ZDHHC13: variants seen among roughly 807,000 people sequenced by gnomAD.
ZDHHC13 encodes the protein zDHHC palmitoyltransferase 13, also known as palmitoyltransferase ZDHHC13.
A neutral mutation model predicts 86.0 loss-of-function variants in ZDHHC13; 85 were observed. The ratio of observed to expected loss-of-function variants is 0.99; its 90% CI spans 0.83 to 1.18. The LOEUF is 1.18. ZDHHC13 is among the 50% of genes most tolerant of loss of function. The probability of loss-of-function intolerance (pLI) is 0.00; values close to 1 mark genes in which losing one functional copy is unlikely to be tolerated. For synonymous variants in ZDHHC13, 263 were observed against 246.4 expected (o/e 1.07, Z -0.63); for missense variants, 711 against 730.2 (o/e 0.97, Z 0.30).
intron 8 of ZDHHC13, among the ~76,000 whole-genome samples, chr11:19,155,063 C>T (rs1849719050): frequency 6.6e-6 from 1 of 152,132 alleles, no homozygotes. Context: ...TTGCATCTGA[C>T]CTTCTGCATT....
At chr11:19,141,921 C>G (rs75944058) in intron 1 of ZDHHC13, among the ~76,000 whole-genome samples, 1 of 152,150 alleles carries the variant, frequency 6.6e-6, no homozygotes, top group Non-Finnish European at 1.5e-5. Context: ...ATTATGCAGT[C>G]ACTTCTGTAT....
At chr11:19,129,181 A>G (rs75313726) in intron 1 of ZDHHC13, among the ~76,000 whole-genome samples, 3 of 152,228 alleles carry the variant, frequency 2.0e-5, no homozygotes, top group Non-Finnish European at 4.4e-5. Flanking sequence ...TTTTCTATGC[A>G]TATGATCATG....
intron 6 of ZDHHC13, among the ~76,000 whole-genome samples, chr11:19,151,667 T>C (rs1243903996): frequency 1.3e-5 from 2 of 152,104 alleles, no homozygotes; most frequent in Non-Finnish European, 2.9e-5. Context: ...AATATTTTAC[T>C]GAATTCTGTC....
chr11:19,136,441 G>A (rs1198517269), intron 1 of ZDHHC13, among the ~76,000 whole-genome samples: 15 of 152,278 alleles, frequency 9.9e-5, no homozygotes, highest in Admixed American at 4.6e-4. Context: ...CCAAATCTAC[G>A]TCTGATTGGT....
chr11:19,152,831 C>A, intron 8 of ZDHHC13, 147 bp downstream of exon 8: 3 of 1,306,950 alleles, frequency 2.3e-6, no homozygotes, highest in Non-Finnish European at 3.1e-6. Context: ...ATCCTATTAC[C>A]CAAAGTTGGA....
chr11:19,154,990 G>C (rs537013120), intron 8 of ZDHHC13, among the ~76,000 whole-genome samples: 1 of 152,258 alleles, frequency 6.6e-6, no homozygotes, highest in Admixed American at 6.5e-5. Context: ...TTGTCTCCTA[G>C]ATGTCCATAG....
intron 1 of ZDHHC13, among the ~76,000 whole-genome samples, chr11:19,133,352 C>CATATATATATATAT (rs149739194): frequency 4.1e-5 from 6 of 144,910 alleles, no homozygotes; most frequent in African/African-American, 1.5e-4. Context: ...GAATTGTTTA[C>CATATATATATATAT]ATATATATAT....
At chr11:19,145,164 T>C (rs1343358132) in intron 2 of ZDHHC13, among the ~76,000 whole-genome samples, 1 of 152,176 alleles carries the variant, frequency 6.6e-6, no homozygotes, top group Middle Eastern at 3.2e-3. Context: ...CTATGAAATA[T>C]GTCTTTTTAA....
chr11:19,143,599 G>A (rs1343737891), intron 2 of ZDHHC13, among the ~76,000 whole-genome samples: 1 of 152,146 alleles, frequency 6.6e-6, no homozygotes, highest in Admixed American at 6.5e-5. Context: ...CCATGTGCTT[G>A]TTGTGCTGGA....
rs76899474 is a variant in ZDHHC13 at position 19,143,383 on chromosome 11, G to T, written c.173+260G>T. 6.8e-3 allele frequency among the ~76,000 whole-genome samples: 1,043 copies of T among 152,306 alleles called. 9 individuals are homozygous for T. Among genetic ancestry groups the T allele is most frequent in the African/African-American group, 0.024 (984 of 41,564 alleles). On this transcript the variant is annotated intron_variant, in intron 2 of 16. Coordinates refer to ENST00000446113, the MANE Select transcript of ZDHHC13 (RefSeq NM_019028.3). Reference sequence around the variant, plus strand: ...TCATCTTTGTAGCTCCAGTGCTTTTGCACAGTTCCTTCTTGTGTAAGGTAC... The same window carrying T: ...TCATCTTTGTAGCTCCAGTGCTTTTTCACAGTTCCTTCTTGTGTAAGGTAC...
chr11:19,157,948 T>A (rs949590137), intron 9 of ZDHHC13, among the ~76,000 whole-genome samples: 2 of 152,222 alleles, frequency 1.3e-5, no homozygotes, highest in Non-Finnish European at 2.9e-5. Context: ...ACCTGACACC[T>A]GTCAGGAGTG....
Position 19,149,310 on chromosome 11 carries a change from A to G in ZDHHC13, c.498A>G (p.Ala166=), listed in dbSNP as rs574031130. 163 of 1,600,912 alleles carry G rather than the reference A, an allele frequency of 1.0e-4. 2 individuals carry two copies. In the South Asian group the frequency reaches 1.6e-3, roughly 16 times the overall value. ...TGTTTCAACACATGCCTATTATAGCATATCTCATCTCAAAGGGACAGGTAT... is the reference window on the plus strand; with the variant it reads ...TGTTTCAACACATGCCTATTATAGCGTATCTCATCTCAAAGGGACAGGTAT... ...AVLFQHMPII[A]YLISKGQSVN... Residue 166 remains alanine, a synonymous_variant, in exon 5 of 17, where the codon GCA becomes GCG. Transcript: ENST00000446113.
At chr11:19,159,498 C>T (rs1222643997) in intron 10 of ZDHHC13, among the ~76,000 whole-genome samples, 8 of 152,032 alleles carry the variant, frequency 5.3e-5, no homozygotes, top group African/African-American at 1.7e-4. Context: ...TCTCAATCCA[C>T]GGTGAAAATA....
intron 1 of ZDHHC13, 48 bp from the exon 2 acceptor site, chr11:19,142,930 T>C: frequency 1.3e-6 from 2 of 1,525,862 alleles, no homozygotes; most frequent in South Asian, 1.2e-5. Context: ...TGTAATTGAG[T>C]GTGACATTAA....
At position 19,139,599 on chromosome 11, in the gene ZDHHC13, A is replaced by G. The variant is rs575656990; in HGVS notation, c.28-3379A>G. Among the ~76,000 whole-genome samples the G allele has an allele frequency of 4.0e-5, 6 of 150,932 alleles. No homozygotes were observed. The East Asian group carries it at 9.7e-4, about 24-fold the overall frequency. On this transcript the variant is annotated intron_variant, in intron 1 of 16. Coordinates refer to ENST00000446113, the MANE Select transcript of ZDHHC13 (RefSeq NM_019028.3). Reference sequence around the variant, plus strand: ...CATATGGAACCAAAAAAGAGCCCGCATCGCCAAGTCAATCCTAAGCCAAAA... The same window carrying G: ...CATATGGAACCAAAAAAGAGCCCGCGTCGCCAAGTCAATCCTAAGCCAAAA...
Position 19,172,778 on chromosome 11 carries a change from A to G in ZDHHC13, c.1688A>G (p.Lys563Arg), listed in dbSNP as rs1565045260. 6.2e-7 allele frequency: 1 copy of G among 1,606,982 alleles called. No homozygotes were observed. The highest frequency in any genetic ancestry group is 8.5e-7 in the Non-Finnish European group (1 of 1,176,688). ...AGAATCAGCCTGCAGAAGCAGAGCA[A>G]GCATATGAAACAGACGTTGTCCCTC... The part of the protein sequence containing the change: ...HERISLQKQS[K>R]HMKQTLSLRK... The change falls in exon 16 of 17, where the codon AAG becomes AGG. Residue 563 changes from lysine to arginine, a missense_variant. Physicochemically the swap from Lys to Arg is conservative, Grantham distance 26 (BLOSUM62 2). Coordinates refer to ENST00000446113, the MANE Select transcript of ZDHHC13 (RefSeq NM_019028.3).
At chr11:19,175,418 G>GAAAT (rs1491136456) in intron 16 of ZDHHC13, among the ~76,000 whole-genome samples, 2 of 114,060 alleles carry the variant, frequency 1.8e-5, no homozygotes, top group Non-Finnish European at 3.6e-5. Context: ...AAAAAAAAAA[G>GAAAT]GTTTAGGGAA....
chr11:19,157,666 C>T (rs1849795227), intron 9 of ZDHHC13, among the ~76,000 whole-genome samples: 1 of 152,220 alleles, frequency 6.6e-6, no homozygotes, highest in Non-Finnish European at 1.5e-5. Context: ...GGATCAGAGT[C>T]ATCACTCCTT....
At chr11:19,164,156 A>G (rs1464062667) in intron 11 of ZDHHC13, 145 bp from the exon 12 acceptor site, 2 of 732,298 alleles carry the variant, frequency 2.7e-6, no homozygotes, top group Admixed American at 3.1e-5. Flanking sequence ...CATCATTTCA[A>G]GCACAGAATG....
Sources: allele counts gnomAD v4.1 joint callset (sites outside exome capture counted in the v4.1 genomes callset), GRCh38; gene constraint gnomAD v4.1.1; transcripts MANE v1.5; gene names NCBI Gene and HGNC (gene_info 2026-07-23, HGNC 2026-07-21).